Variants in PRKN observed in about 807,000 individuals in gnomAD.
PRKN encodes the protein E3 ubiquitin-protein ligase parkin.
PRKN carries 56 observed loss-of-function variants against 59.5 expected under a neutral mutation model. The observed-to-expected ratio is 0.94, with a 90% CI of 0.76 to 1.18. The LOEUF is 1.18. Ranked by LOEUF, PRKN falls within the 50% of genes most tolerant of loss-of-function variation. PRKN has a pLI of 0.00. For missense variants in PRKN, 657 were observed against 596.4 expected, an observed-to-expected ratio of 1.10 and a Z score of -1.06; for synonymous variants, 250 against 222.1, an observed-to-expected ratio of 1.13 and a Z score of -1.12.
intron 5 of PRKN, among the ~76,000 whole-genome samples, chr6:161,985,911 TTTTG>T (rs1166044894): frequency 2.0e-5 from 3 of 152,208 alleles, no homozygotes; most frequent in African/African-American, 7.2e-5. Flanking sequence ...TGTCCACTCA[TTTTG>T]CCTTTCAAAG....
At chr6:162,367,197 T>A (rs1439772229) in intron 2 of PRKN, among the ~76,000 whole-genome samples, 1 of 152,144 alleles carries the variant, frequency 6.6e-6, no homozygotes, top group East Asian at 1.9e-4. Flanking sequence ...GCTGCCATCA[T>A]GTGATGAAGG....
chr6:161,437,551 C>T (rs1027355857), intron 9 of PRKN, among the ~76,000 whole-genome samples: 3 of 152,132 alleles, frequency 2.0e-5, no homozygotes, highest in African/African-American at 7.2e-5. Flanking sequence ...GCGTGGATGC[C>T]ACAAGGCAGG....
chr6:162,085,750 C>G (rs532843284), intron 4 of PRKN, among the ~76,000 whole-genome samples: 3 of 152,196 alleles, frequency 2.0e-5, no homozygotes, highest in African/African-American at 7.2e-5. Context: ...GCTCAATCAG[C>G]GCTGGCAGGT....
At chr6:161,370,042 C>T in intron 10 of PRKN, 1 of 434,326 alleles carries the variant, frequency 2.3e-6, no homozygotes, top group Non-Finnish European at 4.7e-6. Context: ...TTGTAATCAT[C>T]ACGATCATCT....
rs368009464 is a variant in PRKN at position 162,290,400 on chromosome 6, C to T, written c.172-27635G>A. 1.5e-4 allele frequency among the ~76,000 whole-genome samples: 23 copies of T among 152,264 alleles called. No individual in the cohort carries two copies. The East Asian group carries it at 4.4e-3, about 29-fold the overall frequency. ...TCATTTTGTGGAAATACAAATAAATCTAACACAAAATATCAGAATTTTTTC... is the reference window on the plus strand; with the variant it reads ...TCATTTTGTGGAAATACAAATAAATTTAACACAAAATATCAGAATTTTTTC... On this transcript the variant is annotated intron_variant, in intron 2 of 11. Coordinates refer to ENST00000366898, the MANE Select transcript of PRKN (RefSeq NM_004562.3).
intron 6 of PRKN, among the ~76,000 whole-genome samples, chr6:161,883,272 T>C (rs1795009714): frequency 6.6e-6 from 1 of 151,966 alleles, no homozygotes; most frequent in African/African-American, 2.4e-5. Context: ...GAGGCCAAGG[T>C]GGGCACATCA....
intron 4 of PRKN, among the ~76,000 whole-genome samples, chr6:162,093,543 T>A (rs1779600016): frequency 6.6e-6 from 1 of 152,162 alleles, no homozygotes; most frequent in Non-Finnish European, 1.5e-5. Context: ...ACAGACCCAA[T>A]TATACAATTT....
chr6:161,450,843 CCA>C (rs879917657), intron 9 of PRKN, among the ~76,000 whole-genome samples: 10,678 of 152,286 alleles, frequency 0.07, 476 homozygotes, highest in Middle Eastern at 0.16. Flanking sequence ...GCGTGAGCCA[CCA>C]TGCCCGGCTT....
chr6:162,610,022 T>C (rs1278729851), intron 1 of PRKN, among the ~76,000 whole-genome samples: 1 of 152,246 alleles, frequency 6.6e-6, no homozygotes, highest in Non-Finnish European at 1.5e-5. Context: ...TACCATTTCA[T>C]GTATGTTTTG....
intron 4 of PRKN, among the ~76,000 whole-genome samples, chr6:162,130,770 T>C (rs1388014979): frequency 6.6e-6 from 1 of 152,208 alleles, no homozygotes; most frequent in East Asian, 1.9e-4. Context: ...TGCTGTGTGA[T>C]ACAAGGACAT....
chr6:162,586,965 A>G (rs975823970), intron 1 of PRKN, among the ~76,000 whole-genome samples: 2 of 152,202 alleles, frequency 1.3e-5, no homozygotes, highest in African/African-American at 4.8e-5. Context: ...TCAGTGCTCT[A>G]TTAGTCCAAT....
At chr6:161,567,160 T>A (rs2115474306) in intron 8 of PRKN, among the ~76,000 whole-genome samples, 1 of 151,448 alleles carries the variant, frequency 6.6e-6, no homozygotes, top group African/African-American at 2.4e-5. Context: ...TGCCTCAGCC[T>A]CCAGAGCAGC....
chr6:161,801,078 GAGA>G (rs904174565), intron 6 of PRKN, among the ~76,000 whole-genome samples: 1 of 151,992 alleles, frequency 6.6e-6, no homozygotes, highest in African/African-American at 2.4e-5. Flanking sequence ...CCCTACCATA[GAGA>G]AGGACACGGG....
chr6:162,111,784 G>A (rs984706377), intron 4 of PRKN, among the ~76,000 whole-genome samples: 3 of 151,962 alleles, frequency 2.0e-5, no homozygotes, highest in Admixed American at 6.6e-5. Flanking sequence ...GAATTAAATC[G>A]TTTTTCAGTA....
intron 6 of PRKN, among the ~76,000 whole-genome samples, chr6:161,830,004 C>T (rs542381541): frequency 1.1e-4 from 17 of 152,262 alleles, no homozygotes; most frequent in Non-Finnish European, 1.3e-4. Context: ...TGCCCTGCTT[C>T]GGCTACACTG....
chr6:161,761,286 A>G (rs1397768568), intron 7 of PRKN, among the ~76,000 whole-genome samples: 2 of 152,168 alleles, frequency 1.3e-5, no homozygotes, highest in Non-Finnish European at 2.9e-5. Flanking sequence ...TTGTATTTCT[A>G]TGACTAGCAC....
chr6:161,732,474 G>GTTT (rs754841390), intron 7 of PRKN, among the ~76,000 whole-genome samples: 72 of 149,670 alleles, frequency 4.8e-4, no homozygotes, highest in African/African-American at 1.7e-3. Flanking sequence ...TTCTTCAGAG[G>GTTT]TTTTTTTTTT....
chr6:161,914,514 TG>T lies in PRKN; in HGVS notation c.734+58787del, dbSNP rs1277512839. 3.9e-5 allele frequency among the ~76,000 whole-genome samples: 6 copies of T among 152,270 alleles called. No individual in the cohort carries two copies. The East Asian group carries it at 1.2e-3, about 29-fold the overall frequency. ...ACTTACTTTTTATACTACACCCATC[TG>T]CACTGTTTTTTTTAACGTGAAACAT... On this transcript the variant is annotated intron_variant, in intron 6 of 11. Coordinates refer to ENST00000366898, the MANE Select transcript of PRKN (RefSeq NM_004562.3).
At chr6:161,532,190 AT>A (rs1562508881) in intron 9 of PRKN, among the ~76,000 whole-genome samples, 9 of 137,430 alleles carry the variant, frequency 6.5e-5, no homozygotes, top group African/African-American at 2.5e-4. Flanking sequence ...ATATATATAT[AT>A]AATCTATCTA....
Sources: allele counts gnomAD v4.1 joint callset (sites outside exome capture counted in the v4.1 genomes callset), GRCh38; gene constraint gnomAD v4.1.1; transcripts MANE v1.5; gene names NCBI Gene and HGNC (gene_info 2026-07-23, HGNC 2026-07-21).